OSBP2: variants seen among roughly 807,000 people sequenced by gnomAD.
OSBP2 encodes the protein oxysterol binding protein 2, also known as oxysterol-binding protein 2.
A neutral mutation model predicts 96.0 loss-of-function variants in OSBP2; 66 were observed. The ratio of observed to expected loss-of-function variants is 0.69; its 90% CI spans 0.56 to 0.84. The LOEUF (loss-of-function observed/expected upper bound fraction) is 0.84. Among genes scored for constraint, OSBP2 ranks in the 40% least tolerant of loss-of-function variants. The probability of loss-of-function intolerance (pLI) is 0.00; values close to 1 mark genes in which losing one functional copy is unlikely to be tolerated. For missense variants in OSBP2, 1,038 were observed against 1,222.7 expected (o/e 0.85, Z 2.25); for synonymous variants, 525 against 520.9 (o/e 1.01, Z -0.11).
Position 30,906,046 on chromosome 22 carries a change from G to A in OSBP2, c.2585G>A (p.Gly862Asp). 1 of 1,563,228 alleles carries A rather than the reference G, an allele frequency of 6.4e-7. No homozygotes were observed. The change falls in exon 13 of 14, where the codon GGC (glycine) becomes GAC (aspartate). Residue 862 changes from glycine to aspartate, a missense_variant. Physicochemically the swap from Gly to Asp is moderately conservative, Grantham distance 94. Transcript: ENST00000332585. Reference protein sequence around the residue: ...RRRRLEACGPGSSCSSEEEKE... With the variant: ...RRRRLEACGPDSSCSSEEEKE... ...CGGCGGCTGGAGGCCTGCGGGCCGG[G>A]CAGCAGCTGCAGCTCGGAGGAAGGT...
intron 2 of OSBP2, among the ~76,000 whole-genome samples, chr22:30,802,627 C>T (rs1204298970): frequency 3.3e-5 from 5 of 152,250 alleles, no homozygotes; most frequent in African/African-American, 4.8e-5. Flanking sequence ...CGTCCCGCCA[C>T]GGAGAGCTCG....
chr22:30,697,426 G>A (rs2089063953), intron 1 of OSBP2, among the ~76,000 whole-genome samples: 1 of 152,076 alleles, frequency 6.6e-6, no homozygotes, highest in African/African-American at 2.4e-5. Context: ...TTACAGGTGT[G>A]CGCCACCACA....
intron 2 of OSBP2, among the ~76,000 whole-genome samples, chr22:30,824,415 A>T (rs2038353582): frequency 1.3e-5 from 2 of 152,138 alleles, no homozygotes; most frequent in Non-Finnish European, 2.9e-5. Context: ...GGAATACGGG[A>T]GTTTGTCCCT....
chr22:30,826,138 G>T lies in OSBP2; in HGVS notation c.854-44291G>T, dbSNP rs548019083. ...CGTCTTTAAAGGCCAGGACAGAGAA[G>T]GAGCCTCATGGAACTTCAGCTGGGA... On this transcript the variant is annotated intron_variant, in intron 2 of 13. Coordinates refer to ENST00000332585, the MANE Select transcript of OSBP2 (RefSeq NM_030758.4). Among the ~76,000 whole-genome samples the T allele has an allele frequency of 1.2e-3, 188 of 152,290 alleles. 1 individual carries two copies. The highest frequency in any genetic ancestry group is 2.3e-3 in the Non-Finnish European group (156 of 68,024).
Position 30,870,791 on chromosome 22 carries a change from G to T in OSBP2, c.1107+109G>T. 1 of 1,185,294 alleles carries T rather than the reference G, an allele frequency of 8.4e-7. No homozygotes were observed. The highest frequency in any genetic ancestry group is 1.5e-5 in the South Asian group (1 of 67,818). The allele number at this position is 1,185,294 out of a possible 1,614,324, so 73.4% of individuals were successfully genotyped here. ...GAAGGGTCAGCGTTCCATTTCCTGC[G>T]GTTCCACGGTGTTTCCCAAAGCCAG... On this transcript the variant is annotated intron_variant, in intron 3 of 13. Coordinates refer to ENST00000332585, the MANE Select transcript of OSBP2 (RefSeq NM_030758.4). This position sits in a 1 kb window ranked among gnomAD's most constrained non-coding sequence, Gnocchi z 4.1.
chr22:30,887,733 C>T (rs2039845853), intron 4 of OSBP2, 115 bp downstream of exon 4: 23 of 856,858 alleles, frequency 2.7e-5, no homozygotes, highest in Non-Finnish European at 3.5e-5. Flanking sequence ...GTGGGCTGGC[C>T]TTGGCCAACT....
At chr22:30,785,065 C>T (rs1229231823) in intron 2 of OSBP2, among the ~76,000 whole-genome samples, 2 of 152,096 alleles carry the variant, frequency 1.3e-5, no homozygotes, top group Non-Finnish European at 2.9e-5. Context: ...TGAGCCACTG[C>T]ACCCAGCCTC....
intron 1 of OSBP2, among the ~76,000 whole-genome samples, chr22:30,705,651 A>G (rs1003259466): frequency 2.6e-5 from 4 of 152,136 alleles, no homozygotes; most frequent in Non-Finnish European, 5.9e-5. Context: ...AGCTGCTGCT[A>G]CTGAACCTTG....
intron 12 of OSBP2, 98 bp from the exon 13 acceptor site, chr22:30,905,739 G>T (rs889736680): frequency 1.5e-6 from 2 of 1,373,370 alleles, no homozygotes; most frequent in South Asian, 1.3e-5. Context: ...AGGGTGAGGC[G>T]ACCCGGGAGG....
intron 3 of OSBP2, among the ~76,000 whole-genome samples, chr22:30,877,813 T>C (rs1176716024): frequency 1.3e-5 from 2 of 152,160 alleles, no homozygotes; most frequent in Non-Finnish European, 2.9e-5. Context: ...AGGCTCCTCA[T>C]AGTTGGTCAC....
chr22:30,735,781 G>T (rs2089845435), intron 1 of OSBP2, among the ~76,000 whole-genome samples: 3 of 151,966 alleles, frequency 2.0e-5, no homozygotes. Context: ...GGAGTGCAGT[G>T]GCATGATCTC....
chr22:30,763,646 A>AC (rs905059130), intron 2 of OSBP2, among the ~76,000 whole-genome samples: 1 of 151,968 alleles, frequency 6.6e-6, no homozygotes, highest in Non-Finnish European at 1.5e-5. Context: ...AGAAAAAAAA[A>AC]AAAAAACCCA....
chr22:30,882,326 A>G (rs932331387), intron 3 of OSBP2, among the ~76,000 whole-genome samples: 1 of 152,144 alleles, frequency 6.6e-6, no homozygotes, highest in Non-Finnish European at 1.5e-5. Flanking sequence ...GGGCTCCCAG[A>G]CGGCAATCAA....
intron 2 of OSBP2, among the ~76,000 whole-genome samples, chr22:30,767,266 C>T (rs1054886301): frequency 1.3e-5 from 2 of 151,446 alleles, no homozygotes; most frequent in African/African-American, 2.4e-5. Context: ...GCTAAGGTCA[C>T]GCCACTGCAC....
At chr22:30,737,315 CTTTTT>C (rs34541516) in intron 1 of OSBP2, among the ~76,000 whole-genome samples, 8 of 110,410 alleles carry the variant, frequency 7.2e-5, no homozygotes, top group East Asian at 5.6e-4. Context: ...TGCGCCCGGC[CTTTTT>C]TTTTTTTTTT....
rs939437267 is a variant in OSBP2, at chr22:30,870,901, A to C, written c.1107+219A>C. 3.3e-5 allele frequency among the ~76,000 whole-genome samples: 5 copies of C among 152,190 alleles called. No homozygotes were observed. The highest frequency in any genetic ancestry group is 5.9e-5 in the Non-Finnish European group (4 of 68,028). On this transcript the variant is annotated intron_variant, in intron 3 of 13. Coordinates refer to ENST00000332585, the MANE Select transcript of OSBP2 (RefSeq NM_030758.4). The surrounding 1 kb of genome is among the most constrained non-coding windows in gnomAD (Gnocchi z 4.1). ...AAGGACATTCTTCCTAATTGTCTGG[A>C]GGAAACGAGTTGGTTGTGGACTCTG...
rs1414802382 is a variant in OSBP2, at chr22:30,730,796, A to T, written c.645-10365A>T. Among the ~76,000 whole-genome samples, 67 of 51,474 alleles carry T rather than the reference A, an allele frequency of 1.3e-3. 5 individuals are homozygous for T. In the East Asian group the frequency reaches 0.017, roughly 13 times the overall value. 33.8% of individuals were successfully genotyped at this position (51,474 alleles called of 152,430 possible). A position where few individuals can be genotyped will look rare whatever the true frequency, so the allele number is the denominator to read the frequency against. ...TCTCTATATATATATATATATATAT[A>T]TATATATATATAATTTTTTTTTTTT... On this transcript the variant is annotated intron_variant, in intron 1 of 13. Transcript: ENST00000332585.
chr22:30,850,528 C>T (rs2038959783), intron 2 of OSBP2, among the ~76,000 whole-genome samples: 1 of 152,142 alleles, frequency 6.6e-6, no homozygotes, highest in Non-Finnish European at 1.5e-5. Flanking sequence ...GAGACAGCAT[C>T]TCACTCTGTC....
intron 2 of OSBP2, among the ~76,000 whole-genome samples, chr22:30,797,314 G>T (rs1024276283): frequency 2.0e-5 from 3 of 151,878 alleles, no homozygotes; most frequent in Non-Finnish European, 4.4e-5. Flanking sequence ...CAAAGTCTCC[G>T]CCCTGTCACC....
Sources: allele counts gnomAD v4.1 joint callset (sites outside exome capture counted in the v4.1 genomes callset), GRCh38; gene constraint gnomAD v4.1.1; non-coding constraint Gnocchi (gnomAD v3.1); transcripts MANE v1.5; gene names NCBI Gene and HGNC (gene_info 2026-07-23, HGNC 2026-07-21).